The following CD160 variants were observed in gnomAD, a reference collection of about 807,000 sequenced individuals.
CD160 encodes CD160 molecule.
Under a neutral mutation model 19.2 loss-of-function variants are expected in CD160, and 11 were observed. The ratio of observed to expected loss-of-function variants is 0.57; its 90% CI spans 0.36 to 0.95. The LOEUF (loss-of-function observed/expected upper bound fraction) is 0.95. CD160 is among the 40% of genes least tolerant of loss of function. The pLI, the probability that CD160 is intolerant of heterozygous loss-of-function variation, is 0.01. For synonymous variants in CD160, 75 were observed against 81.1 expected (o/e 0.93, Z 0.40); for missense variants, 182 against 213.2 (o/e 0.85, Z 0.91).
intron 4 of CD160, among the ~76,000 whole-genome samples, chr1:145,734,591 G>A (rs1553709844): frequency 6.6e-6 from 1 of 152,188 alleles, no homozygotes; most frequent in Non-Finnish European, 1.5e-5. Flanking sequence ...CCAGCGCTAT[G>A]CCTTGGAGAA....
intron 2 of CD160, among the ~76,000 whole-genome samples, chr1:145,725,393 C>G (rs1362750456): frequency 3.9e-5 from 6 of 152,044 alleles, no homozygotes; most frequent in Admixed American, 2.0e-4. Context: ...TGCAGTAAGC[C>G]AAGATCGTGC....
At chr1:145,724,038 C>G (rs1301966740) in intron 1 of CD160, among the ~76,000 whole-genome samples, 1 of 152,140 alleles carries the variant, frequency 6.6e-6, no homozygotes, top group Non-Finnish European at 1.5e-5. Context: ...TCCCCCAAAG[C>G]TCCGTAACAA....
intron 5 of CD160, 79 bp downstream of exon 5, chr1:145,736,213 G>A: frequency 6.2e-7 from 1 of 1,601,402 alleles, no homozygotes; most frequent in South Asian, 1.1e-5. Context: ...TTCTCCAGGA[G>A]GAGAAGGTTG....
At chr1:145,722,271 T>G (rs1553707902) in intron 1 of CD160, among the ~76,000 whole-genome samples, 2 of 152,200 alleles carry the variant, frequency 1.3e-5, no homozygotes, top group African/African-American at 2.4e-5. Flanking sequence ...TGACCTCATT[T>G]GACCCTCACA....
rs587617101 is a variant in CD160, at chr1:145,732,470, T to C, written c.400+1400T>C. Among the ~76,000 whole-genome samples, 38 of 151,588 alleles carry C rather than the reference T, an allele frequency of 2.5e-4. No individual in the cohort carries two copies. The South Asian group carries it at 7.5e-3, about 30-fold the overall frequency. ...GGGAGGATCACTTGAGCCCAGGAGT[T>C]AGAGATAAGCCTGGGCAACACAGGG... is the stretch of plus-strand genomic sequence containing the variant. On this transcript the variant is annotated intron_variant, in intron 4 of 5. Coordinates refer to ENST00000369288, the MANE Select transcript of CD160 (RefSeq NM_007053.4).
At position 145,731,075 on chromosome 1, in the gene CD160, G is replaced by C. The variant is rs782311285; in HGVS notation, c.400+5G>C. 1.3e-5 allele frequency: 21 copies of C among 1,609,826 alleles called. No individual in the cohort carries two copies. The highest frequency in any genetic ancestry group is 1.7e-5 in the Admixed American group (1 of 59,922). On this transcript the variant is annotated splice_donor_5th_base_variant and intron_variant, in intron 4 of 5. Coordinates refer to ENST00000369288, the MANE Select transcript of CD160 (RefSeq NM_007053.4). ...TTTTCTCCATTCTATTCACAGGTGA[G>C]TGCTCAAATACTCCTAATGCCACCA...
intron 3 of CD160, among the ~76,000 whole-genome samples, chr1:145,730,017 C>T (rs1174821232): frequency 6.6e-6 from 1 of 152,112 alleles, no homozygotes; most frequent in Non-Finnish European, 1.5e-5. Context: ...TTTGTTTTTA[C>T]ATTAGGCTTT....
chr1:145,726,551 G>C (rs1214831525), intron 2 of CD160, among the ~76,000 whole-genome samples: 1 of 152,122 alleles, frequency 6.6e-6, no homozygotes, highest in Non-Finnish European at 1.5e-5. Context: ...TGAACCCAGG[G>C]TGGGGAACAT....
At chr1:145,720,892 G>C (rs1553707712) in intron 1 of CD160, among the ~76,000 whole-genome samples, 1 of 152,196 alleles carries the variant, frequency 6.6e-6, no homozygotes, top group African/African-American at 2.4e-5. Flanking sequence ...CGAAGGTGCG[G>C]GAGGGAAGAG....
intron 3 of CD160, among the ~76,000 whole-genome samples, chr1:145,729,676 T>G (rs1553708850): frequency 1.3e-5 from 2 of 152,200 alleles, no homozygotes; most frequent in African/African-American, 4.8e-5. Context: ...TCTCCACTTC[T>G]GTATCCAGGT....
intron 2 of CD160, among the ~76,000 whole-genome samples, chr1:145,726,595 G>A (rs782317460): frequency 1.3e-5 from 2 of 152,132 alleles, no homozygotes; most frequent in African/African-American, 2.4e-5. Context: ...GTGGGGGCCC[G>A]GGGGAGGGAT....
chr1:145,735,872 T>C, intron 4 of CD160, 125 bp from the exon 5 acceptor site: 1 of 689,126 alleles, frequency 1.5e-6, no homozygotes, highest in East Asian at 2.5e-5. Flanking sequence ...AATACTTATT[T>C]GGGCAACGAA....
chr1:145,729,594 G>A (rs1657204453), intron 3 of CD160, among the ~76,000 whole-genome samples: 1 of 152,206 alleles, frequency 6.6e-6, no homozygotes, highest in African/African-American at 2.4e-5. Context: ...AAAGTTGGCA[G>A]GGCCAATGCA....
chr1:145,729,633 G>A (rs1319628711), intron 3 of CD160, among the ~76,000 whole-genome samples: 2 of 152,212 alleles, frequency 1.3e-5, no homozygotes. Context: ...GACACCCATC[G>A]AGCCAAAACA....
chr1:145,736,864 A>T (rs1031535951), intron 5 of CD160: 30 of 152,556 alleles, frequency 2.0e-4, no homozygotes, highest in African/African-American at 6.3e-4. Flanking sequence ...TAAATTTGTT[A>T]AAAAACCTGT....
At position 145,724,791 on chromosome 1, in the gene CD160, C is replaced by G. The variant is rs1410459169; in HGVS notation, c.-178-10C>G. On this transcript the variant is annotated splice_polypyrimidine_tract_variant and intron_variant, in intron 1 of 5. Transcript: ENST00000369288. Reference sequence around the variant, plus strand: ...GTGTGTAATTTTTGATTTTGGTTTTCTTGAGACAGGGTCTCACTGTCAACC... The same window carrying G: ...GTGTGTAATTTTTGATTTTGGTTTTGTTGAGACAGGGTCTCACTGTCAACC... 2 of 151,858 alleles carry G rather than the reference C, an allele frequency of 1.3e-5. No homozygotes were observed. Among genetic ancestry groups the G allele is most frequent in the Non-Finnish European group, 2.9e-5 (2 of 67,968 alleles). The allele number at this position is 151,858 out of a possible 1,614,324, so 9.4% of individuals were successfully genotyped here. A position where few individuals can be genotyped will look rare whatever the true frequency, so the allele number is the denominator to read the frequency against.
chr1:145,736,144 A>G lies in CD160; in HGVS notation c.538+10A>G. ...CTTGTGGCCCTTCAAGGTATGTCCA[A>G]AAGAGCCGTAAGCACCCCAAGCAAT... On this transcript the variant is annotated intron_variant, in intron 5 of 5. Coordinates refer to ENST00000369288, the MANE Select transcript of CD160 (RefSeq NM_007053.4). 1 of 1,614,174 alleles carries G rather than the reference A, an allele frequency of 6.2e-7. No individual in the cohort carries two copies. Among genetic ancestry groups the G allele is most frequent in the Non-Finnish European group, 8.5e-7 (1 of 1,180,040 alleles).
intron 3 of CD160, 30 bp downstream of exon 3, chr1:145,728,430 C>A (rs190999433): frequency 1.6e-4 from 226 of 1,445,806 alleles, no homozygotes; most frequent in Non-Finnish European, 2.1e-4. Context: ...CAGAGACGGC[C>A]ATGGGGAGGA....
intron 3 of CD160, among the ~76,000 whole-genome samples, chr1:145,730,328 A>T (rs1552172): frequency 0.28 from 41,957 of 151,684 alleles, 6,733 homozygotes; most frequent in Non-Finnish European, 0.35. Flanking sequence ...TTAAAAAAAA[A>T]TTTTTTAAAT....
Sources: allele counts gnomAD v4.1 joint callset (sites outside exome capture counted in the v4.1 genomes callset), GRCh38; gene constraint gnomAD v4.1.1; transcripts MANE v1.5; gene names NCBI Gene and HGNC (gene_info 2026-07-23, HGNC 2026-07-21).